HLF: variants seen among roughly 807,000 people sequenced by gnomAD.
HLF encodes hepatic leukemia factor.
In HLF, 3 loss-of-function variants were observed where a neutral mutation model predicts 22.6. The observed-to-expected ratio is 0.13, with a 90% CI of 0.06 to 0.34. HLF has a LOEUF of 0.34. Ranked by LOEUF, HLF falls within the 10% of genes least tolerant of loss-of-function variation. The pLI is 1.00. For synonymous variants in HLF, 151 were observed against 151.8 expected (o/e 0.99, Z 0.04); for missense variants, 299 against 389.2 (o/e 0.77, Z 1.95).
At chr17:55,299,162 C>T (rs903743203) in intron 2 of HLF, among the ~76,000 whole-genome samples, 6 of 152,338 alleles carry the variant, frequency 3.9e-5, no homozygotes, top group East Asian at 1.9e-4. Flanking sequence ...AATGAGATGC[C>T]AGAGGCATAA....
chr17:55,297,210 G>C (rs2081118318), intron 2 of HLF, among the ~76,000 whole-genome samples: 1 of 152,116 alleles, frequency 6.6e-6, no homozygotes, highest in Non-Finnish European at 1.5e-5. Flanking sequence ...AAGCAACAAG[G>C]TACCATCTAG....
intron 2 of HLF, among the ~76,000 whole-genome samples, chr17:55,274,535 A>G (rs2080888160): frequency 6.6e-6 from 1 of 152,194 alleles, no homozygotes; most frequent in Admixed American, 6.5e-5. Flanking sequence ...GTCTGTCAGA[A>G]TGTCCTGTGT....
At chr17:55,313,588 G>A (rs753298753) in intron 2 of HLF, among the ~76,000 whole-genome samples, 4 of 152,056 alleles carry the variant, frequency 2.6e-5, no homozygotes, top group Non-Finnish European at 5.9e-5. Context: ...TTGGCATTGG[G>A]TAGCTTTGTT....
chr17:55,284,351 T>C (rs965285651), intron 2 of HLF, among the ~76,000 whole-genome samples: 2 of 152,198 alleles, frequency 1.3e-5, no homozygotes, highest in African/African-American at 4.8e-5. Flanking sequence ...ACATTGGCTA[T>C]AGGGATTTAC....
chr17:55,281,789 C>G (rs2080958164), intron 2 of HLF, among the ~76,000 whole-genome samples: 1 of 152,072 alleles, frequency 6.6e-6, no homozygotes, highest in African/African-American at 2.4e-5. Flanking sequence ...CTTTTTTTCT[C>G]CATCAGCCCT....
At chr17:55,270,986 A>G (rs2080851024) in intron 2 of HLF, among the ~76,000 whole-genome samples, 1 of 152,200 alleles carries the variant, frequency 6.6e-6, no homozygotes, top group Admixed American at 6.5e-5. Flanking sequence ...GCTTAGCAGC[A>G]TCGCGGCCCC....
intron 2 of HLF, among the ~76,000 whole-genome samples, chr17:55,305,729 T>C (rs905410841): frequency 6.6e-6 from 1 of 152,212 alleles, no homozygotes; most frequent in Non-Finnish European, 1.5e-5. Context: ...TGGAGTGTTG[T>C]GCACAAGGCT....
At chr17:55,274,411 A>G (rs1490786451) in intron 2 of HLF, among the ~76,000 whole-genome samples, 2 of 152,198 alleles carry the variant, frequency 1.3e-5, no homozygotes, top group African/African-American at 2.4e-5. Flanking sequence ...AATATTGATT[A>G]TAGTATTTGG....
At chr17:55,293,993 A>G (rs929254664) in intron 2 of HLF, among the ~76,000 whole-genome samples, 2 of 152,186 alleles carry the variant, frequency 1.3e-5, no homozygotes, top group African/African-American at 4.8e-5. Context: ...GGTAGTTTTT[A>G]ACACAGGTTT....
At chr17:55,306,792 A>C (rs966693719) in intron 2 of HLF, among the ~76,000 whole-genome samples, 1 of 150,310 alleles carries the variant, frequency 6.7e-6, no homozygotes, top group Non-Finnish European at 1.5e-5. Flanking sequence ...CTTTCCTTCC[A>C]TAATACCTTT....
At chr17:55,270,308 C>G (rs2080840166) in intron 2 of HLF, among the ~76,000 whole-genome samples, 1 of 152,104 alleles carries the variant, frequency 6.6e-6, no homozygotes, top group Non-Finnish European at 1.5e-5. Context: ...CTCGATAGTC[C>G]TCATAGAAAA....
chr17:55,300,667 AG>A (rs1225143535), intron 2 of HLF, among the ~76,000 whole-genome samples: 1 of 152,178 alleles, frequency 6.6e-6, no homozygotes, highest in African/African-American at 2.4e-5. Context: ...CCCCATGTTC[AG>A]TTGGCAACAA....
Position 55,321,218 on chromosome 17 carries a change from T to C in HLF, c.*339T>C. 3.4e-6 allele frequency: 1 copy of C among 291,078 alleles called. No individual in the cohort carries two copies. The highest frequency in any genetic ancestry group is 5.2e-5 in the East Asian group (1 of 19,382). The allele number at this position is 291,078 out of a possible 1,614,324, so 18.0% of individuals were successfully genotyped here. Reference sequence around the variant, plus strand: ...ATCCCCTCCCTCCTTCACTCCTGCCTCCTCAGCTTTGCTTCATGTTCGAGC... The same window carrying C: ...ATCCCCTCCCTCCTTCACTCCTGCCCCCTCAGCTTTGCTTCATGTTCGAGC... On this transcript the variant is annotated 3_prime_UTR_variant, in exon 4 of 4. Transcript: ENST00000226067.
At chr17:55,295,460 A>G (rs2081103418) in intron 2 of HLF, among the ~76,000 whole-genome samples, 1 of 152,252 alleles carries the variant, frequency 6.6e-6, no homozygotes, top group Admixed American at 6.5e-5. Context: ...CAGAGGGGCT[A>G]ACTCCCTCCT....
intron 2 of HLF, among the ~76,000 whole-genome samples, chr17:55,276,763 T>C (rs1030737640): frequency 2.0e-5 from 3 of 152,170 alleles, no homozygotes; most frequent in East Asian, 1.9e-4. Flanking sequence ...CTTTATCCAG[T>C]AGGCAATAGG....
At chr17:55,280,153 CTT>C (rs1319022342) in intron 2 of HLF, among the ~76,000 whole-genome samples, 1 of 152,248 alleles carries the variant, frequency 6.6e-6, no homozygotes, top group Non-Finnish European at 1.5e-5. Flanking sequence ...TATTCCTTCT[CTT>C]CTTCCACCTC....
chr17:55,278,106 A>C (rs1340317134), intron 2 of HLF, among the ~76,000 whole-genome samples: 1 of 152,150 alleles, frequency 6.6e-6, no homozygotes, highest in Non-Finnish European at 1.5e-5. Flanking sequence ...TGATCTTTGG[A>C]AGAATGCTTT....
At chr17:55,274,425 T>TC (rs1253001374) in intron 2 of HLF, among the ~76,000 whole-genome samples, 1 of 152,134 alleles carries the variant, frequency 6.6e-6, no homozygotes, top group Non-Finnish European at 1.5e-5. Flanking sequence ...TATTTGGCCC[T>TC]CCCCCAGCAA....
rs963550756 is a variant in HLF at position 55,321,668 on chromosome 17, C to T, written c.*789C>T. The T allele has an allele frequency of 1.8e-5, 4 of 228,262 alleles. No homozygotes were observed. Among genetic ancestry groups the T allele is most frequent in the African/African-American group, 8.9e-5 (4 of 45,004 alleles). The allele number at this position is 228,262 out of a possible 1,614,324, so 14.1% of individuals were successfully genotyped here. On this transcript the variant is annotated 3_prime_UTR_variant, in exon 4 of 4. Coordinates refer to ENST00000226067, the MANE Select transcript of HLF (RefSeq NM_002126.5). Reference sequence around the variant, plus strand: ...TTACTAGTGGACGTAGGATATTTTCCCTACCTAAGAATTTCACTGTCTTTT... The same window carrying T: ...TTACTAGTGGACGTAGGATATTTTCTCTACCTAAGAATTTCACTGTCTTTT...
Sources: gnomAD v4.1 joint callset for allele counts (sites outside exome capture counted in the v4.1 genomes callset) on GRCh38, gnomAD v4.1.1 for gene constraint, MANE v1.5 for transcripts, NCBI Gene and HGNC (gene_info 2026-07-23, HGNC 2026-07-21) for gene names.